The following PPM1H variants were observed in gnomAD, a reference collection of about 807,000 sequenced individuals.
PPM1H encodes protein phosphatase 1H.
Under a neutral mutation model 54.9 loss-of-function variants are expected in PPM1H, and 27 were observed. The ratio of observed to expected loss-of-function variants is 0.49; its 90% CI spans 0.36 to 0.68. The LOEUF (loss-of-function observed/expected upper bound fraction) is 0.68, where lower values mean the gene tolerates loss of function less well. Ranked by LOEUF, PPM1H falls within the 30% of genes least tolerant of loss-of-function variation. The pLI is 0.00. For synonymous variants in PPM1H, 305 were observed against 270.8 expected, an observed-to-expected ratio of 1.13 and a Z score of -1.24; for missense variants, 596 against 667.8, an observed-to-expected ratio of 0.89 and a Z score of 1.19.
In PPM1H at chr12:62,709,846, G is replaced by A. The variant is rs565986124; in HGVS notation, c.1073+10325C>T. 5.3e-5 allele frequency among the ~76,000 whole-genome samples: 8 copies of A among 150,930 alleles called. No homozygotes were observed. The South Asian group carries it at 1.1e-3, about 20-fold the overall frequency. On this transcript the variant is annotated intron_variant, in intron 6 of 9. Transcript: ENST00000228705. ...AGCACTTTGGGAGGCTGAGGCGGGC[G>A]GATCACCTGAGGTTGGGAGTTCACA...
chr12:62,845,694 G>A (rs960925992), intron 1 of PPM1H, among the ~76,000 whole-genome samples: 1 of 152,052 alleles, frequency 6.6e-6, no homozygotes, highest in Non-Finnish European at 1.5e-5. Context: ...TATTCCCAAG[G>A]CTTCATTTAA....
chr12:62,912,350 GAT>G (rs1035398557), intron 1 of PPM1H, among the ~76,000 whole-genome samples: 1 of 152,196 alleles, frequency 6.6e-6, no homozygotes, highest in African/African-American at 2.4e-5. Flanking sequence ...GGCAGTAACA[GAT>G]GTTTATTTTT....
Position 62,802,428 on chromosome 12 carries a change from G to A in PPM1H, c.412-268C>T, listed in dbSNP as rs143457834. Among the ~76,000 whole-genome samples the A allele has an allele frequency of 8.5e-5, 13 of 152,294 alleles. No homozygotes were observed. In the East Asian group the frequency reaches 2.5e-3, roughly 29 times the overall value. ...CTCTGCCTCCCCACCTAGCAAGGGA[G>A]CCCAAATGATCATACACTAAGCTAC... is the stretch of plus-strand genomic sequence containing the variant. On this transcript the variant is annotated intron_variant, in intron 2 of 9. Coordinates refer to ENST00000228705, the MANE Select transcript of PPM1H (RefSeq NM_020700.2).
intron 1 of PPM1H, among the ~76,000 whole-genome samples, chr12:62,859,341 G>C (rs1592640056): frequency 6.6e-6 from 1 of 152,300 alleles, no homozygotes; most frequent in African/African-American, 2.4e-5. Flanking sequence ...TCAGTAATTT[G>C]TTCATTTTTG....
At chr12:62,720,593 A>C in intron 5 of PPM1H, 1 of 332,468 alleles carries the variant, frequency 3.0e-6, no homozygotes, top group Non-Finnish European at 5.7e-6. Flanking sequence ...TTAGTTTTCC[A>C]AATGGTATAC....
chr12:62,802,500 A>C (rs1480748359), intron 2 of PPM1H, among the ~76,000 whole-genome samples: 1 of 152,014 alleles, frequency 6.6e-6, no homozygotes, highest in African/African-American at 2.4e-5. Context: ...AGGTGTTTGC[A>C]TAAAACTCTC....
chr12:62,674,678 T>C (rs189544633), intron 8 of PPM1H, among the ~76,000 whole-genome samples: 3 of 152,350 alleles, frequency 2.0e-5, no homozygotes, highest in African/African-American at 7.2e-5. Context: ...GTTTCAAAGC[T>C]TACAGACCAT....
intron 4 of PPM1H, 87 bp from the exon 5 acceptor site, chr12:62,737,673 G>T: frequency 2.2e-6 from 2 of 893,616 alleles, no homozygotes; most frequent in Non-Finnish European, 3.3e-6. Flanking sequence ...GGTCACACAT[G>T]AAATGCCAAG....
chr12:62,685,916 G>T (rs2136633140), intron 8 of PPM1H, among the ~76,000 whole-genome samples: 1 of 152,222 alleles, frequency 6.6e-6, no homozygotes, highest in South Asian at 2.1e-4. Flanking sequence ...AATAAACTTG[G>T]TATGTTGTCT....
At chr12:62,758,070 C>T (rs1372552440) in intron 4 of PPM1H, among the ~76,000 whole-genome samples, 1 of 152,186 alleles carries the variant, frequency 6.6e-6, no homozygotes, top group Non-Finnish European at 1.5e-5. Flanking sequence ...AAGCTAAGTG[C>T]TTAAAACTAC....
intron 4 of PPM1H, among the ~76,000 whole-genome samples, chr12:62,750,966 C>G (rs967575058): frequency 4.6e-5 from 7 of 152,236 alleles, no homozygotes. Context: ...CAATACCGTA[C>G]GGTTCCCCAG....
intron 1 of PPM1H, among the ~76,000 whole-genome samples, chr12:62,840,822 G>A (rs889515260): frequency 6.6e-6 from 1 of 152,178 alleles, no homozygotes; most frequent in Non-Finnish European, 1.5e-5. Flanking sequence ...ACTAGGGACT[G>A]ATATGATCAC....
At chr12:62,657,029 T>A (rs1374210674) in intron 9 of PPM1H, among the ~76,000 whole-genome samples, 6 of 152,168 alleles carry the variant, frequency 3.9e-5, no homozygotes. Flanking sequence ...TGCCAGCTTC[T>A]GTCCCCTGTC....
At chr12:62,720,470 G>T (rs974354139) in intron 5 of PPM1H, among the ~76,000 whole-genome samples, 181 bp from the exon 6 acceptor site, 7 of 152,168 alleles carry the variant, frequency 4.6e-5, no homozygotes, top group African/African-American at 1.7e-4. Flanking sequence ...ACATAAAAAT[G>T]AATTTACAAA....
intron 9 of PPM1H, among the ~76,000 whole-genome samples, chr12:62,660,984 C>A (rs953532159): frequency 6.6e-6 from 1 of 152,096 alleles, no homozygotes; most frequent in African/African-American, 2.4e-5. Context: ...ATATCGTTAC[C>A]ACAGACTTCC....
chr12:62,694,688 C>A (rs1410865686), intron 6 of PPM1H, among the ~76,000 whole-genome samples: 4 of 152,170 alleles, frequency 2.6e-5, no homozygotes, highest in Non-Finnish European at 5.9e-5. Flanking sequence ...AGTTAAAAAA[C>A]AAACAAGCGA....
chr12:62,846,702 C>T (rs757973375), intron 1 of PPM1H, among the ~76,000 whole-genome samples: 1 of 152,066 alleles, frequency 6.6e-6, no homozygotes, highest in Non-Finnish European at 1.5e-5. Context: ...TTTTCCACCC[C>T]CTGCAATGAC....
At chr12:62,864,929 A>G (rs1429182326) in intron 1 of PPM1H, among the ~76,000 whole-genome samples, 3 of 152,236 alleles carry the variant, frequency 2.0e-5, no homozygotes, top group Non-Finnish European at 2.9e-5. Context: ...TAGGATTATT[A>G]CTTTTTAAAG....
intron 4 of PPM1H, among the ~76,000 whole-genome samples, chr12:62,776,000 T>G (rs7297041): frequency 0.2 from 30,600 of 152,110 alleles, 3,830 homozygotes; most frequent in African/African-American, 0.35. Flanking sequence ...CACGTCTTAC[T>G]TGATGGCAGG....
Sources: gnomAD v4.1 joint callset for allele counts (sites outside exome capture counted in the v4.1 genomes callset) on GRCh38, gnomAD v4.1.1 for gene constraint, MANE v1.5 for transcripts, NCBI Gene and HGNC (gene_info 2026-07-23, HGNC 2026-07-21) for gene names.